The following WWC1 variants were observed in gnomAD, a reference collection of about 807,000 sequenced individuals.
WWC1 encodes protein KIBRA.
WWC1 carries 55 observed loss-of-function variants against 138.4 expected under a neutral mutation model. The ratio of observed to expected loss-of-function variants is 0.40; its 90% confidence interval spans 0.32 to 0.50. The LOEUF is 0.50. WWC1 is among the 20% of genes least tolerant of loss of function. The probability of loss-of-function intolerance (pLI) is 0.72; values close to 1 mark genes in which losing one functional copy is unlikely to be tolerated. For missense variants in WWC1, 1,226 were observed against 1,420.4 expected (o/e 0.86, Z 2.20); for synonymous variants, 524 against 564.9 (o/e 0.93, Z 1.03).
At chr5:168,383,006 T>G (rs565128374) in intron 2 of WWC1, among the ~76,000 whole-genome samples, 2 of 151,806 alleles carry the variant, frequency 1.3e-5, no homozygotes, top group Non-Finnish European at 2.9e-5. Context: ...TAAAACCCTG[T>G]CTCTACTAAA....
intron 1 of WWC1, among the ~76,000 whole-genome samples, chr5:168,362,889 T>G (rs1442020174): frequency 6.6e-6 from 1 of 152,158 alleles, no homozygotes; most frequent in Non-Finnish European, 1.5e-5. Flanking sequence ...AGTCTGAAGG[T>G]AGGGAGGGTT....
At position 168,441,822 on chromosome 5, in the gene WWC1, G is replaced by A. The variant is rs889937113; in HGVS notation, c.2421G>A (p.Gly807=). The A allele has an allele frequency of 6.2e-7, 1 of 1,613,828 alleles. No individual in the cohort carries two copies. The highest frequency in any genetic ancestry group is 1.1e-5 in the South Asian group (1 of 91,014). The change falls in exon 16 of 23, where the codon GGG becomes GGA. Residue 807 remains glycine (G), a synonymous_variant. Coordinates refer to ENST00000265293, the MANE Select transcript of WWC1 (RefSeq NM_015238.3). ...TGGGAGTCATGGCCCCTGCCTCAGG[G>A]CCTGCCAGCACGGTGAGCTGGGACC... ...KPVGVMAPAS[G]PASTDAVSAL... is the part of the protein sequence containing the mutation.
intron 1 of WWC1, among the ~76,000 whole-genome samples, chr5:168,320,336 A>G (rs1015504862): frequency 2.0e-5 from 3 of 152,284 alleles, no homozygotes; most frequent in African/African-American, 7.2e-5. Flanking sequence ...AACCTGGCCC[A>G]TATGCTTTTT....
intron 6 of WWC1, 145 bp downstream of exon 6, chr5:168,406,472 T>C (rs749204136): frequency 1.7e-5 from 21 of 1,239,464 alleles, no homozygotes; most frequent in Middle Eastern, 2.0e-4. Flanking sequence ...TTCCATTTCA[T>C]AGAGGAGGAC....
At chr5:168,421,929 G>C in intron 9 of WWC1, 79 bp from the exon 10 acceptor site, 2 of 1,221,780 alleles carry the variant, frequency 1.6e-6, no homozygotes, top group South Asian at 1.2e-5. Context: ...TTGTGCCTGT[G>C]GGTCTGGGTG....
At chr5:168,396,332 A>G (rs1778902548) in intron 3 of WWC1, among the ~76,000 whole-genome samples, 1 of 152,174 alleles carries the variant, frequency 6.6e-6, no homozygotes, top group Non-Finnish European at 1.5e-5. Flanking sequence ...GTAGTGAGCC[A>G]AGACTGTGCC....
intron 1 of WWC1, among the ~76,000 whole-genome samples, chr5:168,322,326 C>T (rs1772182376): frequency 6.6e-6 from 1 of 151,640 alleles, no homozygotes; most frequent in Non-Finnish European, 1.5e-5. Flanking sequence ...GGGTTGGAAA[C>T]CCTTCTGGGA....
At chr5:168,348,319 C>T (rs528461895) in intron 1 of WWC1, among the ~76,000 whole-genome samples, 3 of 152,354 alleles carry the variant, frequency 2.0e-5, no homozygotes, top group African/African-American at 7.2e-5. Context: ...CCCTCACCCT[C>T]ACCCTCTCTA....
intron 1 of WWC1, among the ~76,000 whole-genome samples, chr5:168,324,392 C>T (rs1349046244): frequency 2.0e-5 from 3 of 151,812 alleles, no homozygotes; most frequent in South Asian, 2.1e-4. Context: ...GAGACTGTGC[C>T]GCTATACTCC....
At position 168,291,896 on chromosome 5, in the gene WWC1, C is replaced by A. The variant is rs1769079436; in HGVS notation, c.-257C>A. Reference sequence around the variant, plus strand: ...GGCTGGGCGCGCACCCGGGCTCGCACCGCGCCGCTGCGGACGCACATGGCA... The same window carrying A: ...GGCTGGGCGCGCACCCGGGCTCGCAACGCGCCGCTGCGGACGCACATGGCA... On this transcript the variant is annotated 5_prime_UTR_variant, in exon 1 of 23. Transcript: ENST00000265293. The A allele has an allele frequency of 5.9e-6, 1 of 170,146 alleles. No homozygotes were observed. 10.5% of individuals were successfully genotyped at this position (170,146 alleles called of 1,614,324 possible).
intron 1 of WWC1, among the ~76,000 whole-genome samples, chr5:168,304,006 A>T (rs571398215): frequency 6.6e-6 from 1 of 152,352 alleles, no homozygotes; most frequent in East Asian, 1.9e-4. Context: ...ACCTTGGTCA[A>T]AGTTACTTAT....
At position 168,444,506 on chromosome 5, in the gene WWC1, G is replaced by T; in HGVS notation, c.2446G>T (p.Ala816Ser). The T allele has an allele frequency of 6.3e-7, 1 of 1,584,892 alleles. No individual in the cohort carries two copies. The highest frequency in any genetic ancestry group is 8.6e-7 in the Non-Finnish European group (1 of 1,164,064). The change falls in exon 17 of 23, where the codon GCT becomes TCT. Residue 816 changes from alanine to serine, a missense_variant. Transcript: ENST00000265293. Reference sequence around the variant, plus strand: ...TTTGTCTCTATAGGACGCTGTGTCTGCTCTGTTGGAACAGACAGCAGTGGA... The same window carrying T: ...TTTGTCTCTATAGGACGCTGTGTCTTCTCTGTTGGAACAGACAGCAGTGGA... ...SGPASTDAVS[A>S]LLEQTAVELE...
In WWC1 at chr5:168,399,517, C is replaced by T. The variant is rs1779153893; in HGVS notation, c.540C>T (p.His180=). 1.2e-6 allele frequency: 2 copies of T among 1,614,072 alleles called. No individual in the cohort carries two copies. The highest frequency in any genetic ancestry group is 2.7e-5 in the African/African-American group (2 of 74,926). ...RVNKLKREMV[H]LQHELQFKER... ...ACAAGCTGAAGAGAGAGATGGTTCA[C>T]CTCCAGCACGAGCTGCAGTTCAAAG... The change falls in exon 5 of 23, where the codon CAC becomes CAT. Residue 180 remains histidine, a synonymous_variant. Coordinates refer to ENST00000265293, the MANE Select transcript of WWC1 (RefSeq NM_015238.3).
At chr5:168,376,254 A>G (rs1365069192) in intron 2 of WWC1, among the ~76,000 whole-genome samples, 1 of 150,028 alleles carries the variant, frequency 6.7e-6, no homozygotes, top group Non-Finnish European at 1.5e-5. Flanking sequence ...GGGTTTCACC[A>G]TGTTGGCCAG....
Position 168,292,393 on chromosome 5 carries a change from T to A in WWC1, c.119+122T>A. The A allele has an allele frequency of 8.5e-7, 1 of 1,172,608 alleles. No homozygotes were observed. The highest frequency in any genetic ancestry group is 1.5e-5 in the South Asian group (1 of 66,240). 72.6% of individuals were successfully genotyped at this position (1,172,608 alleles called of 1,614,324 possible). ...GCTCTGCGTGCCTCTTGAGCTCTCTTCAGTTCGCCACCCCCTGCTCCCCCC... is the reference window on the plus strand; with the variant it reads ...GCTCTGCGTGCCTCTTGAGCTCTCTACAGTTCGCCACCCCCTGCTCCCCCC... On this transcript the variant is annotated intron_variant, in intron 1 of 22. Coordinates refer to ENST00000265293, the MANE Select transcript of WWC1 (RefSeq NM_015238.3). This position sits in a 1 kb window ranked among gnomAD's most constrained non-coding sequence, Gnocchi z 4.4.
At chr5:168,377,255 C>A (rs921704607) in intron 2 of WWC1, among the ~76,000 whole-genome samples, 3 of 152,166 alleles carry the variant, frequency 2.0e-5, no homozygotes, top group Non-Finnish European at 4.4e-5. Flanking sequence ...GGACCCCTAC[C>A]TTTTACCATA....
At chr5:168,389,827 T>C (rs1433802385) in intron 3 of WWC1, among the ~76,000 whole-genome samples, 1 of 152,108 alleles carries the variant, frequency 6.6e-6, no homozygotes, top group Non-Finnish European at 1.5e-5. Flanking sequence ...TTTTAGGGTG[T>C]TTAGCAGCAT....
chr5:168,330,355 T>C (rs1235612247), intron 1 of WWC1, among the ~76,000 whole-genome samples: 4 of 152,190 alleles, frequency 2.6e-5, no homozygotes, highest in Non-Finnish European at 4.4e-5. Flanking sequence ...GGATGTTCTA[T>C]GGAGGGAAGC....
intron 1 of WWC1, among the ~76,000 whole-genome samples, chr5:168,348,943 T>C (rs1279588606): frequency 2.0e-5 from 3 of 152,182 alleles, no homozygotes; most frequent in Non-Finnish European, 1.5e-5. Context: ...TAATGCCTAC[T>C]GCTGTACACA....
Sources: allele counts gnomAD v4.1 joint callset (sites outside exome capture counted in the v4.1 genomes callset), GRCh38; gene constraint gnomAD v4.1.1; non-coding constraint Gnocchi (gnomAD v3.1); transcripts MANE v1.5; gene names NCBI Gene and HGNC (gene_info 2026-07-23, HGNC 2026-07-21).